DLGAP2: variants seen among roughly 807,000 people sequenced by gnomAD.
The protein encoded by DLGAP2 is disks large-associated protein 2.
In DLGAP2, 26 loss-of-function variants were observed where a neutral mutation model predicts 100.3. The observed-to-expected ratio is 0.26, with a 90% CI of 0.19 to 0.36. The LOEUF (loss-of-function observed/expected upper bound fraction) is 0.36, where lower values mean the gene tolerates loss of function less well. Ranked by LOEUF, DLGAP2 falls within the 10% of genes least tolerant of loss-of-function variation. The pLI is 1.00. For synonymous variants in DLGAP2, 886 were observed against 630.1 expected, an observed-to-expected ratio of 1.41 and a Z score of -6.08; for missense variants, 1,858 against 1,453.2, an observed-to-expected ratio of 1.28 and a Z score of -4.53.
rs570226636 is a variant in DLGAP2 at position 1,193,923 on chromosome 8, A to G, written c.74-64928A>G. 6.3e-4 allele frequency among the ~76,000 whole-genome samples: 96 copies of G among 152,190 alleles called. 1 individual carries two copies. Among genetic ancestry groups the G allele is most frequent in the Middle Eastern group, 3.4e-3 (1 of 294 alleles). On this transcript the variant is annotated intron_variant, in intron 2 of 14. Coordinates refer to ENST00000637795, the MANE Select transcript of DLGAP2 (RefSeq NM_001346810.2). ...CCAGCCAGGAGGAGCCGCTGGAGGG[A>G]CGTTTTCGTTCTCAGTAATTTAAGG...
At chr8:1,029,218 A>T (rs1187666571) in intron 2 of DLGAP2, among the ~76,000 whole-genome samples, 1 of 152,124 alleles carries the variant, frequency 6.6e-6, no homozygotes, top group Admixed American at 6.5e-5. Context: ...CTGCACTGGA[A>T]CCGCTTGGGA....
chr8:1,200,557 C>G lies in DLGAP2; in HGVS notation c.74-58294C>G, dbSNP rs555701958. Among the ~76,000 whole-genome samples the G allele has an allele frequency of 5.3e-5, 8 of 152,282 alleles. No individual in the cohort carries two copies. The South Asian group carries it at 1.5e-3, about 28-fold the overall frequency. The stretch of plus-strand genomic sequence containing the variant: ...GGTCTGACCCGCCAGCTCCTCGGAC[C>G]TCCGGAAAGAGCCTCCCGCCTGCAC... On this transcript the variant is annotated intron_variant, in intron 2 of 14. Transcript: ENST00000637795.
intron 3 of DLGAP2, among the ~76,000 whole-genome samples, chr8:1,335,150 A>G (rs1585270954): frequency 6.6e-6 from 1 of 152,210 alleles, no homozygotes; most frequent in South Asian, 2.1e-4. Context: ...TGCCCAGATA[A>G]TTTCTGGATT....
chr8:835,863 C>T (rs1796863964), intron 1 of DLGAP2, among the ~76,000 whole-genome samples: 1 of 152,112 alleles, frequency 6.6e-6, no homozygotes, highest in African/African-American at 2.4e-5. Flanking sequence ...CCAGGCTCAC[C>T]GTCGCTGTCT....
At chr8:1,218,072 T>A (rs921878736) in intron 2 of DLGAP2, among the ~76,000 whole-genome samples, 2 of 152,234 alleles carry the variant, frequency 1.3e-5, no homozygotes, top group Non-Finnish European at 2.9e-5. Flanking sequence ...TGATAGTTTC[T>A]TTTTCTATGC....
At chr8:755,609 G>C (rs1292777448) in intron 1 of DLGAP2, among the ~76,000 whole-genome samples, 2 of 152,306 alleles carry the variant, frequency 1.3e-5, no homozygotes, top group Admixed American at 1.3e-4. Context: ...GTAGGAACGA[G>C]GGGCAGGTGG....
chr8:1,187,715 C>T (rs1054959666), intron 2 of DLGAP2, among the ~76,000 whole-genome samples: 4 of 145,852 alleles, frequency 2.7e-5, no homozygotes, highest in Admixed American at 2.7e-4. Flanking sequence ...ACGTTTCCCT[C>T]ACGGAATCTC....
intron 12 of DLGAP2, among the ~76,000 whole-genome samples, chr8:1,687,328 G>A (rs1259556985): frequency 1.3e-5 from 2 of 152,204 alleles, no homozygotes; most frequent in South Asian, 4.1e-4. Context: ...TACATGGAAG[G>A]CAAGGGTTCT....
chr8:1,619,833 A>G (rs1052272843), intron 6 of DLGAP2: 7 of 152,222 alleles, frequency 4.6e-5, no homozygotes, highest in African/African-American at 1.4e-4. Context: ...GCTTTCAGGC[A>G]TCAACACATG....
intron 8 of DLGAP2, among the ~76,000 whole-genome samples, chr8:1,656,758 C>G (rs536013082): frequency 6.6e-6 from 1 of 152,324 alleles, no homozygotes; most frequent in Non-Finnish European, 1.5e-5. Context: ...GTGGCTCTCT[C>G]CATCCTAAGT....
At chr8:964,261 T>A (rs1396812345) in intron 2 of DLGAP2, among the ~76,000 whole-genome samples, 1 of 152,222 alleles carries the variant, frequency 6.6e-6, no homozygotes, top group Non-Finnish European at 1.5e-5. Flanking sequence ...GGACTCTCTG[T>A]TTATAAACCA....
At chr8:1,187,994 G>C (rs1459073327) in intron 2 of DLGAP2, among the ~76,000 whole-genome samples, 1 of 119,170 alleles carries the variant, frequency 8.4e-6, no homozygotes, top group Non-Finnish European at 1.6e-5. Flanking sequence ...CCTCTGTGAC[G>C]TTTGCCTCAC....
chr8:872,948 C>A (rs570759961), intron 1 of DLGAP2, among the ~76,000 whole-genome samples: 1 of 152,224 alleles, frequency 6.6e-6, no homozygotes, highest in South Asian at 2.1e-4. Flanking sequence ...GCTATTTTTG[C>A]CTATAACCTA....
chr8:1,544,763 C>A (rs906584881), intron 4 of DLGAP2, among the ~76,000 whole-genome samples: 1 of 147,874 alleles, frequency 6.8e-6, no homozygotes, highest in Non-Finnish European at 1.5e-5. Context: ...ACAGAGGTCT[C>A]ACTTTTGTCG....
At chr8:1,317,313 G>C (rs1401421051) in intron 3 of DLGAP2, among the ~76,000 whole-genome samples, 1 of 135,118 alleles carries the variant, frequency 7.4e-6, no homozygotes, top group African/African-American at 2.9e-5. Context: ...TTTAAAAATA[G>C]AGGCTGTGCG....
At chr8:838,159 AC>A (rs1796916555) in intron 1 of DLGAP2, among the ~76,000 whole-genome samples, 1 of 152,070 alleles carries the variant, frequency 6.6e-6, no homozygotes, top group Non-Finnish European at 1.5e-5. Context: ...AACATACTTT[AC>A]AATAATTTAA....
chr8:1,683,948 A>ATG (rs1309074362), intron 12 of DLGAP2, among the ~76,000 whole-genome samples: 417 of 35,708 alleles, frequency 0.012, 15 homozygotes, highest in African/African-American at 0.052. Flanking sequence ...GTATATATAT[A>ATG]TGTGTGTATA....
chr8:1,140,430 T>G (rs879454371), intron 2 of DLGAP2, among the ~76,000 whole-genome samples: 6 of 150,064 alleles, frequency 4.0e-5, no homozygotes, highest in Non-Finnish European at 5.9e-5. Flanking sequence ...CTACCAGTGG[T>G]CTGTCCCAGC....
chr8:1,147,430 A>G (rs190609447), intron 2 of DLGAP2, among the ~76,000 whole-genome samples: 1 of 152,168 alleles, frequency 6.6e-6, no homozygotes, highest in East Asian at 1.9e-4. Context: ...CTACATTTAT[A>G]AGTTGTCTGC....
Sources: gnomAD v4.1 joint callset for allele counts (sites outside exome capture counted in the v4.1 genomes callset) on GRCh38, gnomAD v4.1.1 for gene constraint, MANE v1.5 for transcripts, NCBI Gene and HGNC (gene_info 2026-07-23, HGNC 2026-07-21) for gene names.